FAM135B: variants seen among roughly 807,000 people sequenced by gnomAD.
FAM135B encodes protein FAM135B.
FAM135B carries 43 observed loss-of-function variants against 127.7 expected under a neutral mutation model. That is an observed-to-expected ratio of 0.34 (90% CI 0.26 to 0.43). The LOEUF is 0.43. Among genes scored for constraint, FAM135B ranks in the 20% least tolerant of loss-of-function variants. The pLI is 1.00. For synonymous variants in FAM135B, 670 were observed against 665.1 expected, an observed-to-expected ratio of 1.01 and a Z score of -0.11; for missense variants, 1,558 against 1,725.6, an observed-to-expected ratio of 0.90 and a Z score of 1.72.
At chr8:138,444,298 G>T (rs1402712885) in intron 1 of FAM135B, among the ~76,000 whole-genome samples, 10 of 152,072 alleles carry the variant, frequency 6.6e-5, no homozygotes, top group Non-Finnish European at 1.5e-5. Context: ...GCACCAAGCG[G>T]ACCTAATAGA....
chr8:138,457,135 T>C (rs1242112849), intron 1 of FAM135B, among the ~76,000 whole-genome samples: 3 of 151,422 alleles, frequency 2.0e-5, no homozygotes, highest in Non-Finnish European at 1.5e-5. Flanking sequence ...CCCTCCACGC[T>C]AGACCTAGGA....
At chr8:138,199,343 G>GA in intron 7 of FAM135B, among the ~76,000 whole-genome samples, 1 of 152,358 alleles carries the variant, frequency 6.6e-6, no homozygotes, top group South Asian at 2.1e-4. Context: ...TGTCTTAGGT[G>GA]AGAGACTATG....
At position 138,243,087 on chromosome 8, in the gene FAM135B, A is replaced by G. The variant is rs1198883752; in HGVS notation, c.543-19T>C. On this transcript the variant is annotated intron_variant, in intron 6 of 19. Transcript: ENST00000395297. This position sits in a 1 kb window ranked among gnomAD's most constrained non-coding sequence, Gnocchi z 7.5. The stretch of plus-strand genomic sequence containing the variant: ...AGTAAAACTAAACAAAAGATAATTG[A>G]AAGGGTGAAAAAGGAGGTAAAGAAA... 1.3e-6 allele frequency: 2 copies of G among 1,596,946 alleles called. No homozygotes were observed. Among genetic ancestry groups the G allele is most frequent in the Non-Finnish European group, 8.5e-7 (1 of 1,172,354 alleles).
At chr8:138,160,440 G>A (rs1469696134) in intron 12 of FAM135B, among the ~76,000 whole-genome samples, 1 of 151,834 alleles carries the variant, frequency 6.6e-6, no homozygotes, top group African/African-American at 2.4e-5. Context: ...ACAGGCTGGA[G>A]TGCAGTGTCT....
At chr8:138,282,183 T>C (rs1563853740) in intron 3 of FAM135B, among the ~76,000 whole-genome samples, 1 of 152,198 alleles carries the variant, frequency 6.6e-6, no homozygotes, top group Non-Finnish European at 1.5e-5. Flanking sequence ...TTTTCAAAGA[T>C]ACCATACATT....
intron 1 of FAM135B, among the ~76,000 whole-genome samples, chr8:138,375,581 C>A (rs576262879): frequency 6.6e-6 from 1 of 152,196 alleles, no homozygotes; most frequent in Admixed American, 6.5e-5. Flanking sequence ...AGACCCAGCC[C>A]TTCCATAACA....
chr8:138,468,293 A>G (rs941573453), intron 1 of FAM135B, among the ~76,000 whole-genome samples: 1 of 152,074 alleles, frequency 6.6e-6, no homozygotes, highest in African/African-American at 2.4e-5. Context: ...ACCCTGTTTT[A>G]TTTACATGGG....
rs1359858851 is a variant in FAM135B at position 138,130,177 on chromosome 8, T to C, written c.*2416A>G. 4 of 150,440 alleles carry C rather than the reference T, an allele frequency of 2.7e-5. No homozygotes were observed. Among genetic ancestry groups the C allele is most frequent in the African/African-American group, 9.7e-5 (4 of 41,156 alleles). The allele number at this position is 150,440 out of a possible 1,614,324, so 9.3% of individuals were successfully genotyped here. A position where few individuals can be genotyped will look rare whatever the true frequency, so the allele number is the denominator to read the frequency against. ...AATTTTTACAATCAATAATAGAATG[T>C]CCCTGTTTTACATAATATATATTTA... On this transcript the variant is annotated 3_prime_UTR_variant, in exon 20 of 20. Coordinates refer to ENST00000395297, the MANE Select transcript of FAM135B (RefSeq NM_015912.4).
At position 138,350,774 on chromosome 8, in the gene FAM135B, C is replaced by A. The variant is rs150607166; in HGVS notation, c.77+17133G>T. ...TTTCCTTATTCATACATTAAGGAAG[C>A]TAAGCTGTGTGATATATAAGCTAAT... On this transcript the variant is annotated intron_variant, in intron 2 of 19. Transcript: ENST00000395297. 1.8e-3 allele frequency among the ~76,000 whole-genome samples: 273 copies of A among 152,312 alleles called. 3 individuals carry two copies. The highest frequency in any genetic ancestry group is 6.1e-3 in the African/African-American group (252 of 41,570).
intron 14 of FAM135B, among the ~76,000 whole-genome samples, chr8:138,146,432 C>G (rs368900631): frequency 6.6e-6 from 1 of 152,110 alleles, no homozygotes; most frequent in South Asian, 2.1e-4. Flanking sequence ...TCATACGAGC[C>G]CCATCTTCAG....
chr8:138,401,360 A>C (rs1159933331), intron 1 of FAM135B, among the ~76,000 whole-genome samples: 1 of 152,330 alleles, frequency 6.6e-6, no homozygotes, highest in Non-Finnish European at 1.5e-5. Flanking sequence ...CTGCAACCTT[A>C]AAATCATTAA....
Position 138,428,258 on chromosome 8 carries a change from C to T in FAM135B, c.-19-60256G>A, listed in dbSNP as rs138980012. On this transcript the variant is annotated intron_variant, in intron 1 of 19. Coordinates refer to ENST00000395297, the MANE Select transcript of FAM135B (RefSeq NM_015912.4). ...GAAGTCTCCCGTTGACTAAGTAATA[C>T]ATAGATCTATCCTACACAATTAGGG... Among the ~76,000 whole-genome samples, 9 of 152,260 alleles carry T rather than the reference C, an allele frequency of 5.9e-5. No homozygotes were observed. In the East Asian group the frequency reaches 1.5e-3, roughly 26 times the overall value.
intron 2 of FAM135B, among the ~76,000 whole-genome samples, chr8:138,343,368 T>C (rs1235925488): frequency 1.3e-5 from 2 of 152,188 alleles, no homozygotes; most frequent in Non-Finnish European, 2.9e-5. Flanking sequence ...GACACTCTGA[T>C]CTCAGCTTTT....
intron 13 of FAM135B, among the ~76,000 whole-genome samples, chr8:138,149,834 G>T (rs76414921): frequency 8.7e-4 from 133 of 152,200 alleles, no homozygotes; most frequent in African/African-American, 3.1e-3. Context: ...CCCAGTCACT[G>T]CCCTCATCTA....
At chr8:138,440,267 C>G (rs1835684380) in intron 1 of FAM135B, 2 of 152,058 alleles carry the variant, frequency 1.3e-5, no homozygotes, top group East Asian at 1.9e-4. Context: ...GTCTCAGGAA[C>G]CCTTAAGCCA....
chr8:138,179,843 T>C (rs1373903658), intron 9 of FAM135B, among the ~76,000 whole-genome samples: 3 of 152,086 alleles, frequency 2.0e-5, no homozygotes, highest in Non-Finnish European at 4.4e-5. Context: ...TGCATGCCAC[T>C]GCACCCAGAC....
intron 3 of FAM135B, among the ~76,000 whole-genome samples, chr8:138,291,607 A>C (rs1563863585): frequency 6.6e-6 from 1 of 152,200 alleles, no homozygotes; most frequent in Non-Finnish European, 1.5e-5. Flanking sequence ...ATCAAGTAGA[A>C]TCTACTCAGA....
intron 1 of FAM135B, among the ~76,000 whole-genome samples, chr8:138,452,962 T>C (rs2131592235): frequency 6.6e-6 from 1 of 152,326 alleles, no homozygotes; most frequent in African/African-American, 2.4e-5. Flanking sequence ...TTCTGTGAGC[T>C]ACCCTCGGAA....
intron 12 of FAM135B, among the ~76,000 whole-genome samples, chr8:138,166,429 C>T (rs1260484220): frequency 6.6e-6 from 1 of 152,202 alleles, no homozygotes; most frequent in Non-Finnish European, 1.5e-5. Flanking sequence ...TATACACAAA[C>T]AATACACACA....
Sources: gnomAD v4.1 joint callset for allele counts (sites outside exome capture counted in the v4.1 genomes callset) on GRCh38, gnomAD v4.1.1 for gene constraint, Gnocchi (gnomAD v3.1) non-coding constraint, MANE v1.5 for transcripts, NCBI Gene and HGNC (gene_info 2026-07-23, HGNC 2026-07-21) for gene names.